The following IPCEF1 variants were observed in gnomAD, a reference collection of about 807,000 sequenced individuals.
IPCEF1 encodes the protein interaction protein for cytohesin exchange factors 1, also known as interactor protein for cytohesin exchange factors 1.
IPCEF1 carries 31 observed loss-of-function variants against 50.9 expected under a neutral mutation model. That is an observed-to-expected ratio of 0.61 (90% CI 0.46 to 0.82). The LOEUF (loss-of-function observed/expected upper bound fraction) is 0.82, where lower values mean the gene tolerates loss of function less well. IPCEF1 is among the 40% of genes least tolerant of loss of function. The pLI is 0.00. For missense variants in IPCEF1, 458 were observed against 514.0 expected (o/e 0.89, Z 1.05); for synonymous variants, 181 against 192.0 (o/e 0.94, Z 0.47).
At chr6:154,208,388 A>C (rs1382754837) in intron 9 of IPCEF1, among the ~76,000 whole-genome samples, 2 of 152,204 alleles carry the variant, frequency 1.3e-5, no homozygotes, top group Non-Finnish European at 2.9e-5. Context: ...CTCAGCTCTC[A>C]GTCGGACGTG....
chr6:154,249,561 A>G (rs886336385), intron 3 of IPCEF1, among the ~76,000 whole-genome samples: 1 of 152,140 alleles, frequency 6.6e-6, no homozygotes, highest in Non-Finnish European at 1.5e-5. Context: ...CCAATGAACA[A>G]GATGAAATTA....
intron 10 of IPCEF1, among the ~76,000 whole-genome samples, chr6:154,180,122 A>C (rs1800705847): frequency 6.6e-6 from 1 of 152,168 alleles, no homozygotes; most frequent in African/African-American, 2.4e-5. Flanking sequence ...CTGAAAAACC[A>C]AAACAAGAGA....
At position 154,162,001 on chromosome 6, in the gene IPCEF1, GCTATCTCT is replaced by G. The variant is rs553585051; in HGVS notation, c.1105-1969_1105-1962del. On this transcript the variant is annotated intron_variant, in intron 11 of 11. Coordinates refer to ENST00000367220, the MANE Select transcript of IPCEF1 (RefSeq NM_001130700.2). ...ATCCTCACTCGCAGCTGATGGCCTT[GCTATCTCT>G]TTGTTGAGGAAATGGAAGCCATCAG... Among the ~76,000 whole-genome samples the G allele has an allele frequency of 2.0e-5, 3 of 152,248 alleles. No homozygotes were observed. The South Asian group carries it at 6.2e-4, about 32-fold the overall frequency.
intron 5 of IPCEF1, among the ~76,000 whole-genome samples, chr6:154,238,656 A>C (rs1780334213): frequency 1.3e-5 from 2 of 151,482 alleles, no homozygotes; most frequent in South Asian, 4.2e-4. Context: ...TCTATTTTCA[A>C]ATTTTTCCTA....
intron 1 of IPCEF1, among the ~76,000 whole-genome samples, chr6:154,316,569 T>C (rs1057147563): frequency 5.3e-5 from 8 of 152,166 alleles, no homozygotes; most frequent in African/African-American, 1.9e-4. Flanking sequence ...TCTAAAGAGA[T>C]TGAAGTCATA....
chr6:154,347,688 C>T (rs764229532), intron 1 of IPCEF1, among the ~76,000 whole-genome samples: 15 of 152,206 alleles, frequency 9.9e-5, no homozygotes, highest in Non-Finnish European at 1.8e-4. Context: ...TATTTTCTGC[C>T]TTGCTCTAAG....
chr6:154,339,885 C>T (rs1783871808), intron 1 of IPCEF1, among the ~76,000 whole-genome samples: 1 of 152,166 alleles, frequency 6.6e-6, no homozygotes, highest in Non-Finnish European at 1.5e-5. Flanking sequence ...GCATGAGCCG[C>T]CGCTCCTGGC....
chr6:154,269,910 G>A (rs550505701), intron 2 of IPCEF1, among the ~76,000 whole-genome samples: 15 of 152,278 alleles, frequency 9.9e-5, no homozygotes, highest in Non-Finnish European at 2.2e-4. Flanking sequence ...ATGTTGATAA[G>A]CTAAATAGGT....
chr6:154,326,449 T>A (rs1269412263), intron 1 of IPCEF1, among the ~76,000 whole-genome samples: 3 of 152,000 alleles, frequency 2.0e-5, no homozygotes, highest in Non-Finnish European at 4.4e-5. Context: ...AAATCATGAA[T>A]GAATTCCCAT....
chr6:154,353,195 C>CTG (rs1025365836), intron 1 of IPCEF1, among the ~76,000 whole-genome samples: 2 of 152,016 alleles, frequency 1.3e-5, no homozygotes, highest in Non-Finnish European at 2.9e-5. Flanking sequence ...GAACCATGAA[C>CTG]TTCAGCACAC....
chr6:154,186,615 G>C (rs1378405656), intron 10 of IPCEF1, among the ~76,000 whole-genome samples: 7 of 151,774 alleles, frequency 4.6e-5, no homozygotes, highest in African/African-American at 1.7e-4. Context: ...GGAGTGCAGT[G>C]GTGCGATCTT....
chr6:154,217,127 G>A (rs529573723), intron 7 of IPCEF1: 53 of 164,148 alleles, frequency 3.2e-4, no homozygotes, highest in Non-Finnish European at 6.4e-4. Flanking sequence ...TTCCAAGGGT[G>A]GAGTTGGTAG....
intron 9 of IPCEF1, among the ~76,000 whole-genome samples, chr6:154,209,121 A>C (rs1777747904): frequency 6.6e-6 from 1 of 152,366 alleles, no homozygotes; most frequent in South Asian, 2.1e-4. Context: ...CTCTATAGCA[A>C]TTAGAATGAT....
intron 3 of IPCEF1, among the ~76,000 whole-genome samples, chr6:154,251,293 C>T (rs765242713): frequency 4.6e-5 from 7 of 151,916 alleles, no homozygotes; most frequent in Non-Finnish European, 7.4e-5. Context: ...TGACTCACGC[C>T]TATGTCAGTG....
chr6:154,185,675 G>T (rs906158087), intron 10 of IPCEF1, among the ~76,000 whole-genome samples: 7 of 152,090 alleles, frequency 4.6e-5, no homozygotes, highest in African/African-American at 2.4e-5. Flanking sequence ...TAATCCGGGG[G>T]TGTCCAATCT....
At chr6:154,343,240 G>A (rs1010829596) in intron 1 of IPCEF1, among the ~76,000 whole-genome samples, 5 of 152,090 alleles carry the variant, frequency 3.3e-5, no homozygotes, top group Admixed American at 2.0e-4. Flanking sequence ...CACTCATTTC[G>A]GTTATCATAA....
intron 5 of IPCEF1, among the ~76,000 whole-genome samples, chr6:154,240,216 C>T (rs1252523677): frequency 6.6e-6 from 1 of 152,090 alleles, no homozygotes; most frequent in East Asian, 1.9e-4. Flanking sequence ...AATAATTAAG[C>T]AATTCCTTCA....
chr6:154,281,353 G>GA (rs1302045290), intron 2 of IPCEF1, among the ~76,000 whole-genome samples: 52 of 144,570 alleles, frequency 3.6e-4, no homozygotes, highest in Admixed American at 9.7e-4. Flanking sequence ...ACCTCATCTC[G>GA]AAAAAAAAAA....
At chr6:154,190,099 C>T (rs1562531541) in intron 10 of IPCEF1, among the ~76,000 whole-genome samples, 1 of 152,130 alleles carries the variant, frequency 6.6e-6, no homozygotes. Context: ...ACTTCCTATA[C>T]TTATATTGAC....
Sources: allele counts gnomAD v4.1 joint callset (sites outside exome capture counted in the v4.1 genomes callset), GRCh38; gene constraint gnomAD v4.1.1; transcripts MANE v1.5; gene names NCBI Gene and HGNC (gene_info 2026-07-23, HGNC 2026-07-21).